CBFA2T2: variants seen among roughly 807,000 people sequenced by gnomAD.
The protein encoded by CBFA2T2 is protein CBFA2T2.
Under a neutral mutation model 62.2 loss-of-function variants are expected in CBFA2T2, and 11 were observed. The ratio of observed to expected loss-of-function variants is 0.18; its 90% CI spans 0.11 to 0.29. The LOEUF is 0.29. Ranked by LOEUF, CBFA2T2 falls within the 10% of genes least tolerant of loss-of-function variation. The probability of loss-of-function intolerance (pLI) is 1.00; values close to 1 mark genes in which losing one functional copy is unlikely to be tolerated. For missense variants in CBFA2T2, 592 were observed against 774.1 expected, an observed-to-expected ratio of 0.76 and a Z score of 2.79; for synonymous variants, 295 against 287.5, an observed-to-expected ratio of 1.03 and a Z score of -0.27.
At chr20:33,535,561 T>C (rs899845619) in intron 1 of CBFA2T2, among the ~76,000 whole-genome samples, 4 of 151,414 alleles carry the variant, frequency 2.6e-5, no homozygotes, top group African/African-American at 7.3e-5. Flanking sequence ...AAGGCTTCTT[T>C]GTTAGGCCCA....
intron 1 of CBFA2T2, among the ~76,000 whole-genome samples, chr20:33,556,854 A>G (rs2012910602): frequency 6.6e-6 from 1 of 152,018 alleles, no homozygotes. Context: ...ATTATGCTCT[A>G]ATCCATTACT....
At chr20:33,561,502 AC>A (rs2013090359) in intron 1 of CBFA2T2, among the ~76,000 whole-genome samples, 2 of 152,204 alleles carry the variant, frequency 1.3e-5, no homozygotes, top group African/African-American at 4.8e-5. Flanking sequence ...ATTTTGTGTA[AC>A]TATAGTATGG....
chr20:33,623,135 G>A lies in CBFA2T2; in HGVS notation c.531G>A (p.Gln177=). ...TCAAGGCCAACCTGCCCCTGCTGCA[G>A]CGGGAACTGCTGCACTGCGCTCGGG... ...PFLKANLPLL[Q]RELLHCARAA... The change falls in exon 5 of 11, where the codon CAG becomes CAA. Residue 177 remains glutamine, a synonymous_variant. Coordinates refer to ENST00000342704, the MANE Select transcript of CBFA2T2 (RefSeq NM_001032999.3). The A allele has an allele frequency of 6.2e-7, 1 of 1,614,256 alleles. No homozygotes were observed.
At chr20:33,571,385 A>G (rs1600986928) in intron 1 of CBFA2T2, among the ~76,000 whole-genome samples, 1 of 152,342 alleles carries the variant, frequency 6.6e-6, no homozygotes, top group East Asian at 1.9e-4. Flanking sequence ...GTTTAAAGAT[A>G]GATGTTTCGT....
intron 1 of CBFA2T2, among the ~76,000 whole-genome samples, chr20:33,518,307 G>A (rs149729532): frequency 2.0e-5 from 3 of 152,064 alleles, no homozygotes; most frequent in African/African-American, 7.2e-5. Context: ...CATGCTGTTA[G>A]TATTTTTCTC....
At chr20:33,627,261 G>A (rs1322750118) in intron 6 of CBFA2T2, among the ~76,000 whole-genome samples, 1 of 152,078 alleles carries the variant, frequency 6.6e-6, no homozygotes, top group Non-Finnish European at 1.5e-5. Context: ...GCTGGGCGTG[G>A]TTACAGGCAC....
At chr20:33,577,610 G>A (rs2013889544) in intron 1 of CBFA2T2, among the ~76,000 whole-genome samples, 2 of 152,176 alleles carry the variant, frequency 1.3e-5, no homozygotes, top group South Asian at 4.1e-4. Context: ...TCTCTGAACT[G>A]TAATCAATGT....
At chr20:33,618,944 T>C (rs976024926) in intron 3 of CBFA2T2, among the ~76,000 whole-genome samples, 2 of 152,194 alleles carry the variant, frequency 1.3e-5, no homozygotes, top group Non-Finnish European at 2.9e-5. Flanking sequence ...CCTAGGCTGC[T>C]GGGCAAAGGG....
intron 1 of CBFA2T2, among the ~76,000 whole-genome samples, chr20:33,602,760 A>G (rs930345935): frequency 6.6e-6 from 1 of 152,150 alleles, no homozygotes; most frequent in Non-Finnish European, 1.5e-5. Context: ...TTCTTTCCTT[A>G]CGAAGTCAAG....
At chr20:33,569,867 T>G (rs1322958431) in intron 1 of CBFA2T2, among the ~76,000 whole-genome samples, 2 of 152,232 alleles carry the variant, frequency 1.3e-5, no homozygotes, top group Non-Finnish European at 2.9e-5. Context: ...TTTTTGGCTT[T>G]CTTTCTTTAT....
intron 1 of CBFA2T2, among the ~76,000 whole-genome samples, chr20:33,569,863 G>GCTTT (rs2013474861): frequency 1.3e-5 from 2 of 152,050 alleles, no homozygotes; most frequent in South Asian, 4.1e-4. Context: ...TGTCTTTTTG[G>GCTTT]CTTTCTTTCT....
intron 1 of CBFA2T2, among the ~76,000 whole-genome samples, chr20:33,603,445 A>G (rs1021739480): frequency 7.2e-5 from 11 of 152,194 alleles, no homozygotes; most frequent in African/African-American, 2.4e-4. Flanking sequence ...GCATGCTGTC[A>G]TATCTGGGTT....
intron 1 of CBFA2T2, among the ~76,000 whole-genome samples, chr20:33,524,330 T>C (rs560690987): frequency 4.6e-5 from 7 of 152,260 alleles, no homozygotes; most frequent in East Asian, 1.9e-4. Context: ...TCTTTTGTTC[T>C]CTTTTTCATA....
At chr20:33,565,963 T>C (rs1399399285) in intron 1 of CBFA2T2, among the ~76,000 whole-genome samples, 5 of 152,112 alleles carry the variant, frequency 3.3e-5, no homozygotes, top group Non-Finnish European at 5.9e-5. Context: ...ATCCGAAAGA[T>C]TGGTTGGGTC....
rs200832395 is a variant in CBFA2T2 at position 33,560,183 on chromosome 20, G to A, written c.35-46773G>A. Among the ~76,000 whole-genome samples, 13 of 152,270 alleles carry A rather than the reference G, an allele frequency of 8.5e-5. No homozygotes were observed. In the East Asian group the frequency reaches 1.9e-3, roughly 23 times the overall value. On this transcript the variant is annotated intron_variant, in intron 1 of 10. Coordinates refer to ENST00000342704, the MANE Select transcript of CBFA2T2 (RefSeq NM_001032999.3). ...CTTACATTGTAGGCAATTTGATACC[G>A]GCTATTGGCAAGATGTCTCAGTCTC...
intron 4 of CBFA2T2, 59 bp downstream of exon 4, chr20:33,619,665 C>A: frequency 8.0e-7 from 1 of 1,245,512 alleles, no homozygotes; most frequent in Non-Finnish European, 1.1e-6. Flanking sequence ...TTCTGCTAAT[C>A]CCTGTTACGT....
chr20:33,570,673 A>G (rs144871636), intron 1 of CBFA2T2, among the ~76,000 whole-genome samples: 3 of 152,310 alleles, frequency 2.0e-5, no homozygotes, highest in African/African-American at 7.2e-5. Context: ...ACTTAGGAAG[A>G]ATGGGGGTTT....
intron 6 of CBFA2T2, 79 bp downstream of exon 6, chr20:33,625,096 A>G: frequency 7.1e-7 from 1 of 1,412,136 alleles, no homozygotes; most frequent in Non-Finnish European, 9.7e-7. Context: ...GTCAAATAAT[A>G]TGATTGCTTT....
intron 1 of CBFA2T2, among the ~76,000 whole-genome samples, chr20:33,493,276 A>G (rs892082503): frequency 6.6e-6 from 1 of 150,628 alleles, no homozygotes; most frequent in South Asian, 2.1e-4. Context: ...GGGTTTCACT[A>G]CATTGGCCAG....
Sources: gnomAD v4.1 joint callset for allele counts (sites outside exome capture counted in the v4.1 genomes callset) on GRCh38, gnomAD v4.1.1 for gene constraint, MANE v1.5 for transcripts, NCBI Gene and HGNC (gene_info 2026-07-23, HGNC 2026-07-21) for gene names.